TBC1D4: variants seen among roughly 807,000 people sequenced by gnomAD.
TBC1D4 encodes the protein TBC (Tre-2, BUB2, CDC16) domain-containing protein.
In TBC1D4, 121 loss-of-function variants were observed where a neutral mutation model predicts 142.5. The observed-to-expected ratio is 0.85, with a 90% CI of 0.73 to 0.99. The LOEUF (loss-of-function observed/expected upper bound fraction) is 0.99, where lower values mean the gene tolerates loss of function less well. Ranked by LOEUF, TBC1D4 falls within the 50% of genes least tolerant of loss-of-function variation. The pLI is 0.00. For missense variants in TBC1D4, 1,475 were observed against 1,606.6 expected (o/e 0.92, Z 1.40); for synonymous variants, 630 against 628.2 (o/e 1.00, Z -0.04).
At chr13:75,306,492 C>T (rs562358706) in intron 14 of TBC1D4, 21 bp from the exon 15 acceptor site, 29 of 1,611,626 alleles carry the variant, frequency 1.8e-5, no homozygotes, top group Admixed American at 8.3e-5. Context: ...AAACAATTTA[C>T]GTAAGACCAA....
rs143012337 is a variant in TBC1D4 at position 75,476,508 on chromosome 13, A to C, written c.498+4762T>G. On this transcript the variant is annotated intron_variant, in intron 1 of 20. Coordinates refer to ENST00000377636, the MANE Select transcript of TBC1D4 (RefSeq NM_014832.5). ...TGTTTATTCCACCTGCAGAACTTAA[A>C]ACTTTTGGCTGAAAGGCAAAGTTTT... is the stretch of plus-strand genomic sequence containing the variant. Among the ~76,000 whole-genome samples the C allele has an allele frequency of 1.6e-4, 24 of 152,294 alleles. 1 individual carries two copies. In the East Asian group the frequency reaches 4.6e-3, roughly 29 times the overall value.
intron 1 of TBC1D4, among the ~76,000 whole-genome samples, chr13:75,434,311 T>G (rs946105350): frequency 6.6e-6 from 1 of 152,082 alleles, no homozygotes; most frequent in East Asian, 1.9e-4. Flanking sequence ...ATATATACCA[T>G]AGAATACTAT....
chr13:75,412,937 C>T (rs990528463), intron 1 of TBC1D4, among the ~76,000 whole-genome samples: 4 of 152,180 alleles, frequency 2.6e-5, no homozygotes, highest in Admixed American at 1.3e-4. Flanking sequence ...TGACCTAAAA[C>T]CTGACAGACA....
At chr13:75,399,225 T>G (rs6562893) in intron 1 of TBC1D4, among the ~76,000 whole-genome samples, 14 of 152,164 alleles carry the variant, frequency 9.2e-5, no homozygotes, top group Admixed American at 7.2e-4. Context: ...AAAAAAGAGT[T>G]GGCTGCAAAC....
chr13:75,424,122 A>C (rs1886276880), intron 1 of TBC1D4, among the ~76,000 whole-genome samples: 1 of 152,054 alleles, frequency 6.6e-6, no homozygotes, highest in Non-Finnish European at 1.5e-5. Flanking sequence ...AAATTCAAAA[A>C]ACTAGCCAGG....
chr13:75,327,625 A>AAGTC, intron 9 of TBC1D4, 127 bp downstream of exon 9: 1 of 893,268 alleles, frequency 1.1e-6, no homozygotes, highest in South Asian at 1.5e-5. Context: ...TAAAATAATA[A>AAGTC]AGTCTCAAAT....
chr13:75,447,500 A>ATGTGTGTGTGTGTGTGTGTG (rs35775136), intron 1 of TBC1D4, among the ~76,000 whole-genome samples: 8 of 145,344 alleles, frequency 5.5e-5, no homozygotes, highest in African/African-American at 2.0e-4. Flanking sequence ...CATAGTGTGA[A>ATGTGTGTGTGTGTGTGTGTG]TGTGTGTGTG....
intron 12 of TBC1D4, chr13:75,316,509 C>T (rs925847916): frequency 3.3e-5 from 5 of 152,088 alleles, no homozygotes; most frequent in African/African-American, 7.2e-5. Flanking sequence ...TACTAAAAAT[C>T]GACATCTTGA....
At chr13:75,385,283 T>A (rs1328563170) in intron 1 of TBC1D4, among the ~76,000 whole-genome samples, 1 of 152,174 alleles carries the variant, frequency 6.6e-6, no homozygotes, top group Non-Finnish European at 1.5e-5. Flanking sequence ...ATGTGTCTCA[T>A]GCCCCTTACC....
intron 15 of TBC1D4, among the ~76,000 whole-genome samples, chr13:75,305,063 T>G (rs781324174): frequency 6.6e-6 from 1 of 152,104 alleles, no homozygotes; most frequent in Non-Finnish European, 1.5e-5. Flanking sequence ...GGGGGCAGTT[T>G]CCCCCATACT....
At chr13:75,355,070 G>A (rs1372022931) in intron 4 of TBC1D4, among the ~76,000 whole-genome samples, 1 of 152,162 alleles carries the variant, frequency 6.6e-6, no homozygotes, top group African/African-American at 2.4e-5. Context: ...GTCACAAAGT[G>A]CCTTTGAACA....
chr13:75,340,987 C>G, intron 7 of TBC1D4, 138 bp downstream of exon 7: 2 of 732,666 alleles, frequency 2.7e-6, no homozygotes, highest in Non-Finnish European at 4.8e-6. Context: ...TATTAAAATG[C>G]TGGGCGGGGG....
At chr13:75,430,789 C>T (rs1448461717) in intron 1 of TBC1D4, among the ~76,000 whole-genome samples, 4 of 152,134 alleles carry the variant, frequency 2.6e-5, no homozygotes, top group African/African-American at 7.2e-5. Context: ...TCCTCCGGTA[C>T]AGCACTTCAC....
chr13:75,422,039 C>A (rs1217729950), intron 1 of TBC1D4, among the ~76,000 whole-genome samples: 1 of 152,186 alleles, frequency 6.6e-6, no homozygotes, highest in Non-Finnish European at 1.5e-5. Flanking sequence ...AGTGATCCTC[C>A]CACCTTGGCC....
At chr13:75,378,506 A>C (rs6562887) in intron 1 of TBC1D4, among the ~76,000 whole-genome samples, 2 of 151,944 alleles carry the variant, frequency 1.3e-5, no homozygotes, top group African/African-American at 4.8e-5. Flanking sequence ...GGGCATGACA[A>C]TAGAATTTTC....
intron 1 of TBC1D4, among the ~76,000 whole-genome samples, chr13:75,417,321 G>A (rs771107507): frequency 2.0e-5 from 3 of 152,102 alleles, no homozygotes; most frequent in Non-Finnish European, 4.4e-5. Context: ...GTGCTGAGCC[G>A]GCATCCTCAA....
chr13:75,346,180 GT>G (rs1459353734), intron 5 of TBC1D4, among the ~76,000 whole-genome samples: 14 of 152,270 alleles, frequency 9.2e-5, no homozygotes, highest in African/African-American at 3.4e-4. Context: ...TATATACTAA[GT>G]TTTGGGATAC....
intron 1 of TBC1D4, among the ~76,000 whole-genome samples, chr13:75,389,375 T>C (rs1593829979): frequency 6.6e-6 from 1 of 152,314 alleles, no homozygotes; most frequent in South Asian, 2.1e-4. Context: ...ACTGTCTCTG[T>C]TTCAGATTAA....
intron 1 of TBC1D4, among the ~76,000 whole-genome samples, chr13:75,403,290 A>G (rs527365786): frequency 1.3e-5 from 2 of 152,304 alleles, no homozygotes; most frequent in South Asian, 2.1e-4. Context: ...AAGGATTAAG[A>G]TAATTATTAG....
Sources: allele counts gnomAD v4.1 joint callset (sites outside exome capture counted in the v4.1 genomes callset), GRCh38; gene constraint gnomAD v4.1.1; transcripts MANE v1.5; gene names NCBI Gene and HGNC (gene_info 2026-07-23, HGNC 2026-07-21).